GRIK3: variants seen among roughly 807,000 people sequenced by gnomAD.
GRIK3 encodes glutamate receptor ionotropic, kainate 3.
GRIK3 carries 29 observed loss-of-function variants against 102.5 expected under a neutral mutation model. The observed-to-expected ratio is 0.28, with a 90% confidence interval of 0.21 to 0.39. GRIK3 has a LOEUF of 0.39. GRIK3 is among the 10% of genes least tolerant of loss of function. The probability of loss-of-function intolerance (pLI) is 1.00; values close to 1 mark genes in which losing one functional copy is unlikely to be tolerated. For missense variants in GRIK3, 908 were observed against 1,252.4 expected (o/e 0.73, Z 4.15); for synonymous variants, 511 against 504.9 (o/e 1.01, Z -0.16).
intron 1 of GRIK3, among the ~76,000 whole-genome samples, chr1:36,903,057 T>G (rs550092382): frequency 6.6e-6 from 1 of 152,162 alleles, no homozygotes; most frequent in Non-Finnish European, 1.5e-5. Context: ...CCCAAAGTGC[T>G]GGGATTACCG....
intron 1 of GRIK3, among the ~76,000 whole-genome samples, chr1:36,976,608 C>T (rs569023612): frequency 3.3e-5 from 5 of 151,974 alleles, no homozygotes; most frequent in African/African-American, 4.8e-5. Flanking sequence ...GGATTGGGAC[C>T]CAGGAGGTAT....
rs778503766 is a variant in GRIK3 at position 36,841,846 on chromosome 1, C to T, written c.1420G>A (p.Ala474Thr). 6.2e-7 allele frequency: 1 copy of T among 1,614,102 alleles called. No individual in the cohort carries two copies. Among genetic ancestry groups the T allele is most frequent in the East Asian group, 2.2e-5 (1 of 44,872 alleles). ...TCATAGGAGAAACCAAGGATGTGGG[C>T]CAGCTCCTTTAGCAGGTCGATGCAG... is the stretch of plus-strand genomic sequence containing the variant. ...GYCIDLLKEL[A>T]HILGFSYEIR... The change falls in exon 10 of 16, where the codon GCC becomes ACC. Residue 474 changes from alanine to threonine, a missense_variant. Around this residue, in one of 3 missense-constraint regions of GRIK3, gnomAD observed 585 missense variants for 824.9 expected, o/e 0.71. Coordinates refer to ENST00000373091, the MANE Select transcript of GRIK3 (RefSeq NM_000831.4).
intron 4 of GRIK3, 92 bp from the exon 5 acceptor site, chr1:36,869,893 G>T (rs577813): frequency 0.92 from 846,173 of 917,480 alleles, 390,868 homozygotes; most frequent in East Asian, 0.99. Flanking sequence ...GACTGGCAGT[G>T]GGTTGGGGAA....
chr1:36,805,254 G>C lies in GRIK3; in HGVS notation c.2315-17C>G. ...ATGGGGAGCCTGAGCAGGGAGAAGG[G>C]ACCCCTAGCCATCAGTGGCGTGTGG... On this transcript the variant is annotated splice_polypyrimidine_tract_variant and intron_variant, in intron 14 of 15. Transcript: ENST00000373091. 6.3e-7 allele frequency: 1 copy of C among 1,593,702 alleles called. No homozygotes were observed. The highest frequency in any genetic ancestry group is 8.5e-7 in the Non-Finnish European group (1 of 1,169,764).
At chr1:37,007,311 G>A (rs1303644362) in intron 1 of GRIK3, among the ~76,000 whole-genome samples, 1 of 152,238 alleles carries the variant, frequency 6.6e-6, no homozygotes, top group Non-Finnish European at 1.5e-5. Context: ...TAGCCAGTAA[G>A]TAACAGAGCT....
rs188027842 is a variant in GRIK3, at chr1:36,822,359, G to A, written c.1755-2505C>T. On this transcript the variant is annotated intron_variant, in intron 11 of 15. Coordinates refer to ENST00000373091, the MANE Select transcript of GRIK3 (RefSeq NM_000831.4). The stretch of plus-strand genomic sequence containing the variant: ...GCCGTTACAGGTTGGGGTCCTCATC[G>A]CCTCCCGAGAGGTGAAAGCATGCAC... Among the ~76,000 whole-genome samples, 8 of 152,310 alleles carry A rather than the reference G, an allele frequency of 5.3e-5. No individual in the cohort carries two copies. The East Asian group carries it at 1.4e-3, about 26-fold the overall frequency.
intron 1 of GRIK3, among the ~76,000 whole-genome samples, chr1:36,955,656 C>T (rs1641897830): frequency 6.6e-6 from 1 of 152,256 alleles, no homozygotes; most frequent in African/African-American, 2.4e-5. Flanking sequence ...AACAGGCTAC[C>T]TCAAGCACTC....
At chr1:36,975,937 T>C (rs1642191391) in intron 1 of GRIK3, among the ~76,000 whole-genome samples, 1 of 152,110 alleles carries the variant, frequency 6.6e-6, no homozygotes, top group African/African-American at 2.4e-5. Context: ...TTGAATGACA[T>C]GAAATTCGAA....
intron 1 of GRIK3, among the ~76,000 whole-genome samples, chr1:36,928,222 C>A (rs1641550200): frequency 6.6e-6 from 1 of 152,178 alleles, no homozygotes; most frequent in South Asian, 2.1e-4. Flanking sequence ...GAGGTAGACA[C>A]TGAATTAAAT....
At chr1:36,989,820 T>A (rs887132632) in intron 1 of GRIK3, among the ~76,000 whole-genome samples, 17 of 152,128 alleles carry the variant, frequency 1.1e-4, no homozygotes, top group Non-Finnish European at 1.9e-4. Context: ...GCCTCTCCCA[T>A]CCTGTACCAA....
chr1:36,884,428 C>T (rs911842325), intron 2 of GRIK3, among the ~76,000 whole-genome samples: 2 of 152,176 alleles, frequency 1.3e-5, no homozygotes, highest in Admixed American at 1.3e-4. Flanking sequence ...ATTCTTCTGC[C>T]GTCTGGGGGT....
intron 2 of GRIK3, among the ~76,000 whole-genome samples, chr1:36,888,353 C>G (rs746331347): frequency 2.0e-5 from 3 of 152,212 alleles, no homozygotes; most frequent in Non-Finnish European, 4.4e-5. Context: ...GGGGCACCAG[C>G]AGTCAGAACG....
intron 12 of GRIK3, among the ~76,000 whole-genome samples, chr1:36,817,670 T>A (rs1418310780): frequency 6.6e-6 from 1 of 152,192 alleles, no homozygotes; most frequent in African/African-American, 2.4e-5. Flanking sequence ...GGTCCCAGCT[T>A]AAGAACACCT....
chr1:36,973,416 CTTTTTTTTTTTTTT>C lies in GRIK3; in HGVS notation c.115+60564_115+60577del, dbSNP rs35394730. On this transcript the variant is annotated intron_variant, in intron 1 of 15. Transcript: ENST00000373091. ...TCAGCTTAGACATCACTTCTTTTTC[CTTTTTTTTTTTTTT>C]TTTTTTTGAGACAGAATCTCGCTTT... is the stretch of plus-strand genomic sequence containing the variant. Among the ~76,000 whole-genome samples the C allele has an allele frequency of 7.5e-3, 858 of 115,006 alleles. 13 individuals carry two copies. Among genetic ancestry groups the C allele is most frequent in the African/African-American group, 0.031 (824 of 26,590 alleles). The allele number at this position is 115,006 out of a possible 152,430, so 75.4% of individuals were successfully genotyped here. A position where few individuals can be genotyped will look rare whatever the true frequency, so the allele number is the denominator to read the frequency against.
chr1:36,960,030 C>T (rs573052317), intron 1 of GRIK3, among the ~76,000 whole-genome samples: 8 of 99,236 alleles, frequency 8.1e-5, no homozygotes, highest in Admixed American at 1.0e-4. Context: ...CTGTGTGCCC[C>T]GCGAGTCTGT....
rs537654500 is a variant in GRIK3, at chr1:37,033,204, A to G, written c.115+790T>C. On this transcript the variant is annotated intron_variant, in intron 1 of 15. Transcript: ENST00000373091. ...TCTCCGGCGAGAAGAGACGCGGAGAAGCCGGAGCCCCGGAAAGCCGCGCGC... is the reference window on the plus strand; with the variant it reads ...TCTCCGGCGAGAAGAGACGCGGAGAGGCCGGAGCCCCGGAAAGCCGCGCGC... Among the ~76,000 whole-genome samples, 23 of 152,380 alleles carry G rather than the reference A, an allele frequency of 1.5e-4. No individual in the cohort carries two copies. The East Asian group carries it at 4.4e-3, about 29-fold the overall frequency.
At chr1:37,005,884 T>A (rs1642527230) in intron 1 of GRIK3, among the ~76,000 whole-genome samples, 1 of 152,090 alleles carries the variant, frequency 6.6e-6, no homozygotes, top group African/African-American at 2.4e-5. Flanking sequence ...GGCCAGATTG[T>A]GGAAGGCCTT....
intron 11 of GRIK3, among the ~76,000 whole-genome samples, chr1:36,825,324 C>G (rs1642743591): frequency 6.6e-6 from 1 of 152,142 alleles, no homozygotes; most frequent in South Asian, 2.1e-4. Context: ...CTCTACGAGC[C>G]TGCCAATGGG....
At chr1:36,986,140 C>A (rs1642301792) in intron 1 of GRIK3, among the ~76,000 whole-genome samples, 2 of 152,204 alleles carry the variant, frequency 1.3e-5, no homozygotes, top group Non-Finnish European at 2.9e-5. Flanking sequence ...TCTATCTCCT[C>A]CTCTCTGAGC....
Sources: gnomAD v4.1 joint callset for allele counts (sites outside exome capture counted in the v4.1 genomes callset) on GRCh38, gnomAD v4.1.1 for gene constraint, gnomAD v4.1.1 regional missense constraint, MANE v1.5 for transcripts, NCBI Gene and HGNC (gene_info 2026-07-23, HGNC 2026-07-21) for gene names.